CXCL13: variants seen among roughly 807,000 people sequenced by gnomAD.
CXCL13 encodes C-X-C motif chemokine 13.
A neutral mutation model predicts 12.2 loss-of-function variants in CXCL13; 7 were observed. The observed-to-expected ratio is 0.57, with a 90% CI of 0.33 to 1.07. CXCL13 has a LOEUF of 1.07. Among genes scored for constraint, CXCL13 ranks in the 50% least tolerant of loss-of-function variants. The pLI is 0.04. For missense variants in CXCL13, 113 were observed against 127.4 expected, an observed-to-expected ratio of 0.89 and a Z score of 0.55; for synonymous variants, 47 against 42.4, an observed-to-expected ratio of 1.11 and a Z score of -0.42.
intron 1 of CXCL13, among the ~76,000 whole-genome samples, chr4:77,555,793 C>T (rs1004725765): frequency 1.3e-5 from 2 of 152,064 alleles, no homozygotes; most frequent in African/African-American, 4.8e-5. Context: ...ATGAAGACAA[C>T]ACAGTTTTAA....
intron 1 of CXCL13, among the ~76,000 whole-genome samples, chr4:77,560,764 G>A (rs1725792740): frequency 6.6e-6 from 1 of 152,106 alleles, no homozygotes; most frequent in South Asian, 2.1e-4. Context: ...CCTATATAAT[G>A]TATTGTACAT....
chr4:77,588,056 G>C (rs1578067131), intron 1 of CXCL13, among the ~76,000 whole-genome samples: 3 of 152,194 alleles, frequency 2.0e-5, no homozygotes, highest in Admixed American at 1.3e-4. Context: ...TAGGGCACCA[G>C]TATCCATGGC....
At position 77,571,739 on chromosome 4, in the gene CXCL13, C is replaced by T. The variant is rs142497326; in HGVS notation, c.-42-34085C>T. ...GGCTGCCGGAGCCAGCAGTGGCAAC[C>T]CGCTCCAGTCCCCTTCCACACTGTG... On this transcript the variant is annotated intron_variant, in intron 1 of 4. Transcript: ENST00000286758. Among the ~76,000 whole-genome samples the T allele has an allele frequency of 5.4e-3, 820 of 151,882 alleles. 21 individuals carry two copies. Among genetic ancestry groups the T allele is most frequent in the African/African-American group, 0.019 (782 of 41,170 alleles).
In CXCL13 at chr4:77,605,927, A is replaced by G. The variant is rs1409794661; in HGVS notation, c.62A>G (p.Gln21Arg). 6.3e-7 allele frequency: 1 copy of G among 1,591,974 alleles called. No homozygotes were observed. The highest frequency in any genetic ancestry group is 2.2e-5 in the East Asian group (1 of 44,626). ...CTGGTCAGCAGCCTCTCTCCAGTCC[A>G]AGGTGAGAAATTTCATTTACATTTC... Reference protein sequence around the residue: ...MLLVSSLSPVQGVLEVYYTSL... With the variant: ...MLLVSSLSPVRGVLEVYYTSL... The change falls in exon 1 of 4, where the codon CAA becomes CGA. Residue 21 changes from glutamine to arginine, a missense_variant and splice_region_variant. By Grantham distance (43) the Gln-to-Arg change is conservative. Transcript: ENST00000682537.
chr4:77,519,172 C>T (rs1323457171), intron 1 of CXCL13, among the ~76,000 whole-genome samples: 2 of 152,120 alleles, frequency 1.3e-5, no homozygotes, highest in African/African-American at 2.4e-5. Flanking sequence ...CAGAGGAGTA[C>T]CTGGCCATGT....
At chr4:77,548,414 A>C (rs1377084605) in intron 1 of CXCL13, among the ~76,000 whole-genome samples, 2 of 152,238 alleles carry the variant, frequency 1.3e-5, no homozygotes, top group Non-Finnish European at 2.9e-5. Context: ...ACAAAATGGG[A>C]CATCTATGAC....
At chr4:77,591,324 G>A (rs956008835) in intron 1 of CXCL13, among the ~76,000 whole-genome samples, 2 of 151,994 alleles carry the variant, frequency 1.3e-5, no homozygotes, top group Admixed American at 6.6e-5. Context: ...GGCCAAGTGG[G>A]TGGATCACAA....
chr4:77,568,028 C>T (rs1375750258), intron 1 of CXCL13, among the ~76,000 whole-genome samples: 2 of 152,196 alleles, frequency 1.3e-5, no homozygotes, highest in Non-Finnish European at 2.9e-5. Flanking sequence ...TGAATTCCTT[C>T]CTTCATGAAG....
At chr4:77,569,311 G>A (rs1726009093) in intron 1 of CXCL13, among the ~76,000 whole-genome samples, 1 of 152,210 alleles carries the variant, frequency 6.6e-6, no homozygotes, top group South Asian at 2.1e-4. Context: ...AATAGGAAGA[G>A]AGGAAGTCAA....
intron 1 of CXCL13, among the ~76,000 whole-genome samples, chr4:77,536,150 G>T (rs936044521): frequency 1.3e-5 from 2 of 152,110 alleles, no homozygotes; most frequent in Non-Finnish European, 2.9e-5. Flanking sequence ...GCTTTTGGGG[G>T]CAGGAAATAG....
intron 1 of CXCL13, among the ~76,000 whole-genome samples, chr4:77,593,795 G>T (rs41349845): frequency 0.074 from 11,198 of 152,242 alleles, 519 homozygotes; most frequent in Middle Eastern, 0.16. Context: ...TGTCACAGTG[G>T]TATCACCAGT....
intron 1 of CXCL13, among the ~76,000 whole-genome samples, chr4:77,517,664 A>G (rs1444171402): frequency 2.0e-5 from 3 of 152,032 alleles, no homozygotes; most frequent in South Asian, 4.2e-4. Context: ...TGCTTGGTAG[A>G]TCTTCCTCCA....
intron 1 of CXCL13, among the ~76,000 whole-genome samples, chr4:77,583,662 G>A (rs77414800): frequency 0.02 from 2,995 of 152,156 alleles, 97 homozygotes; most frequent in African/African-American, 0.067. Flanking sequence ...TGGCTATGGG[G>A]CTTTGTTGTC....
At chr4:77,550,066 G>A (rs1172809912) in intron 1 of CXCL13, among the ~76,000 whole-genome samples, 1 of 152,196 alleles carries the variant, frequency 6.6e-6, no homozygotes, top group Non-Finnish European at 1.5e-5. Context: ...CCCTCTCCCA[G>A]CCTTGCTGCT....
At chr4:77,602,987 G>A (rs1301149730), upstream of CXCL13, among the ~76,000 whole-genome samples, 2 of 152,160 alleles carry the variant, frequency 1.3e-5, no homozygotes, top group Non-Finnish European at 2.9e-5. Context: ...TAAATCCAGA[G>A]CTCTGGGCAT....
chr4:77,593,578 A>C (rs1726671384), intron 1 of CXCL13, among the ~76,000 whole-genome samples: 1 of 152,256 alleles, frequency 6.6e-6, no homozygotes, highest in Admixed American at 6.5e-5. Context: ...TTAAATTTGA[A>C]AATCATTTCA....
intron 1 of CXCL13, among the ~76,000 whole-genome samples, chr4:77,539,522 C>T (rs904860): frequency 0.37 from 56,041 of 152,020 alleles, 10,638 homozygotes; most frequent in African/African-American, 0.45. Context: ...GTGGGCTGTC[C>T]GCATGGCAGT....
At chr4:77,604,700 T>A (rs1238458803), upstream of CXCL13, among the ~76,000 whole-genome samples, 1 of 152,108 alleles carries the variant, frequency 6.6e-6, no homozygotes, top group African/African-American at 2.4e-5. Flanking sequence ...TGCTTTTGTG[T>A]GAAGGTTGTG....
intron 1 of CXCL13, among the ~76,000 whole-genome samples, chr4:77,522,113 G>A (rs1208356293): frequency 6.6e-6 from 1 of 152,298 alleles, no homozygotes; most frequent in Middle Eastern, 3.4e-3. Flanking sequence ...ATTTGCTGAG[G>A]AGTGCTTTAC....
Sources: allele counts gnomAD v4.1 joint callset (sites outside exome capture counted in the v4.1 genomes callset), GRCh38; gene constraint gnomAD v4.1.1; transcripts MANE v1.5; gene names NCBI Gene and HGNC (gene_info 2026-07-23, HGNC 2026-07-21).